KCNMA1: variants seen among roughly 807,000 people sequenced by gnomAD.
KCNMA1 encodes Calcium-activated potassium channel subunit alpha-1.
Under a neutral mutation model 140.0 loss-of-function variants are expected in KCNMA1, and 29 were observed. The observed-to-expected ratio is 0.21, with a 90% CI of 0.15 to 0.28. The LOEUF is 0.28. Ranked by LOEUF, KCNMA1 falls within the 10% of genes least tolerant of loss-of-function variation. The pLI is 1.00. For synonymous variants in KCNMA1, 612 were observed against 611.9 expected (o/e 1.00, Z 0.00); for missense variants, 880 against 1,602.2 (o/e 0.55, Z 7.70).
chr10:76,946,879 G>C (rs1230460629), intron 22 of KCNMA1, among the ~76,000 whole-genome samples: 1 of 152,188 alleles, frequency 6.6e-6, no homozygotes, highest in Non-Finnish European at 1.5e-5. Context: ...TGGCCCTATA[G>C]GCAGGGTACT....
intron 1 of KCNMA1, among the ~76,000 whole-genome samples, chr10:77,474,582 C>T (rs1184790133): frequency 6.6e-6 from 1 of 152,044 alleles, no homozygotes; most frequent in Non-Finnish European, 1.5e-5. Context: ...TGTTACAGCA[C>T]CTCAGGAAAC....
chr10:76,965,479 C>T (rs971475412), intron 20 of KCNMA1, among the ~76,000 whole-genome samples: 12 of 152,124 alleles, frequency 7.9e-5, no homozygotes, highest in Non-Finnish European at 1.5e-4. Context: ...CAGTGATTCC[C>T]CCAAAACACA....
intron 5 of KCNMA1, among the ~76,000 whole-genome samples, chr10:77,133,397 C>T (rs1031409321): frequency 6.6e-6 from 1 of 151,850 alleles, no homozygotes; most frequent in Non-Finnish European, 1.5e-5. Flanking sequence ...AAAAGACATA[C>T]ACTGCAAACA....
chr10:77,024,489 C>G (rs896296801), intron 16 of KCNMA1, among the ~76,000 whole-genome samples: 4 of 152,028 alleles, frequency 2.6e-5, no homozygotes, highest in African/African-American at 7.2e-5. Context: ...GTAGGCATCT[C>G]AACAGTATGT....
rs971297145 is a variant in KCNMA1, at chr10:77,479,810, G to A, written c.379-75787C>T. ...GACATTTCCTGAATTGTTTCCCACG[G>A]GTCTTGTCTTTCAGGCTAGGACAAG... On this transcript the variant is annotated intron_variant, in intron 1 of 27. Coordinates refer to ENST00000286628, the MANE Select transcript of KCNMA1 (RefSeq NM_001161352.2). 7.2e-5 allele frequency among the ~76,000 whole-genome samples: 11 copies of A among 152,166 alleles called. No individual in the cohort carries two copies. The East Asian group carries it at 2.1e-3, about 29-fold the overall frequency.
exon 30 of KCNMA1, chr10:76,877,780 T>G: frequency 3.2e-6 from 5 of 1,569,618 alleles, no homozygotes; most frequent in Non-Finnish European, 4.3e-6. Context: ...GGAATCAAGC[T>G]GCTTGTGGAT....
chr10:77,252,647 G>T (rs962940666), intron 2 of KCNMA1, among the ~76,000 whole-genome samples: 2 of 151,898 alleles, frequency 1.3e-5, no homozygotes, highest in East Asian at 3.9e-4. Context: ...TTTTTTATGT[G>T]TGCCAAAGTG....
chr10:76,896,178 C>T (rs1237557714), intron 25 of KCNMA1, among the ~76,000 whole-genome samples: 2 of 152,212 alleles, frequency 1.3e-5, no homozygotes, highest in East Asian at 1.9e-4. Context: ...ATAAGGCAGA[C>T]ACCCCCAGAG....
At chr10:77,532,765 T>G (rs764016571) in intron 1 of KCNMA1, among the ~76,000 whole-genome samples, 1 of 147,944 alleles carries the variant, frequency 6.8e-6, no homozygotes, top group African/African-American at 2.6e-5. Flanking sequence ...GCAAATGGTT[T>G]TTTCAAAGTA....
In KCNMA1 at chr10:76,948,387, G is replaced by C. The variant is rs1396584812; in HGVS notation, c.2709+755C>G. Among the ~76,000 whole-genome samples the C allele has an allele frequency of 2.6e-5, 4 of 152,288 alleles. No individual in the cohort carries two copies. In the East Asian group the frequency reaches 5.8e-4, roughly 22 times the overall value. ...GAGATTTGCATGAATTTGTGATGTG[G>C]AGAATTACATCAAATGTTGAAATGC... is the stretch of plus-strand genomic sequence containing the variant. On this transcript the variant is annotated intron_variant, in intron 22 of 27. Coordinates refer to ENST00000286628, the MANE Select transcript of KCNMA1 (RefSeq NM_001161352.2).
chr10:77,111,769 C>G (rs1045573950), intron 7 of KCNMA1, among the ~76,000 whole-genome samples: 1 of 152,164 alleles, frequency 6.6e-6, no homozygotes, highest in Non-Finnish European at 1.5e-5. Context: ...TTGTAACAGT[C>G]TATGTTTGCA....
chr10:77,523,132 A>G (rs2054078466), intron 1 of KCNMA1, among the ~76,000 whole-genome samples: 1 of 151,636 alleles, frequency 6.6e-6, no homozygotes, highest in Admixed American at 6.6e-5. Context: ...AAGCTCATGC[A>G]TAGCTTATCT....
chr10:77,020,177 C>T (rs781193819), intron 16 of KCNMA1: 7 of 152,082 alleles, frequency 4.6e-5, no homozygotes, highest in Non-Finnish European at 8.8e-5. Context: ...TGGAATCAGT[C>T]TAAAGGAAGT....
At chr10:77,425,219 A>T (rs2096957105) in intron 1 of KCNMA1, among the ~76,000 whole-genome samples, 1 of 152,132 alleles carries the variant, frequency 6.6e-6, no homozygotes, top group African/African-American at 2.4e-5. Flanking sequence ...CTATAAACAC[A>T]TTGCCCCGAT....
At chr10:77,065,434 T>A (rs1442208023) in intron 14 of KCNMA1, among the ~76,000 whole-genome samples, 1 of 152,230 alleles carries the variant, frequency 6.6e-6, no homozygotes, top group Admixed American at 6.5e-5. Context: ...ATCTACTCTC[T>A]CTAGAGACCC....
intron 18 of KCNMA1, among the ~76,000 whole-genome samples, chr10:77,009,877 C>G (rs979023065): frequency 6.6e-6 from 1 of 152,090 alleles, no homozygotes; most frequent in Non-Finnish European, 1.5e-5. Context: ...GCAGTCTCTT[C>G]TCTCTTCTTA....
At chr10:77,323,980 A>G (rs965483395) in intron 2 of KCNMA1, among the ~76,000 whole-genome samples, 6 of 152,262 alleles carry the variant, frequency 3.9e-5, no homozygotes, top group African/African-American at 1.4e-4. Flanking sequence ...TGAGGTCGGT[A>G]TGCAGATGCT....
chr10:77,161,329 C>T (rs1564902699), intron 5 of KCNMA1, among the ~76,000 whole-genome samples: 1 of 152,080 alleles, frequency 6.6e-6, no homozygotes, highest in Non-Finnish European at 1.5e-5. Flanking sequence ...CTCTGAGCAG[C>T]CTCAACCTCT....
At chr10:77,534,784 T>A (rs2058481327) in intron 1 of KCNMA1, among the ~76,000 whole-genome samples, 1 of 152,126 alleles carries the variant, frequency 6.6e-6, no homozygotes, top group Non-Finnish European at 1.5e-5. Flanking sequence ...AACAAAGAAG[T>A]GACAAACGTT....
Sources: gnomAD v4.1 joint callset for allele counts (sites outside exome capture counted in the v4.1 genomes callset) on GRCh38, gnomAD v4.1.1 for gene constraint, MANE v1.5 for transcripts, NCBI Gene and HGNC (gene_info 2026-07-23, HGNC 2026-07-21) for gene names.